The following LRRC74A variants were observed in gnomAD, a reference collection of about 807,000 sequenced individuals.
LRRC74A encodes the protein leucine-rich repeat-containing protein 74A.
LRRC74A carries 44 observed loss-of-function variants against 57.9 expected under a neutral mutation model. The ratio of observed to expected loss-of-function variants is 0.76; its 90% confidence interval spans 0.60 to 0.98. The LOEUF is 0.98. Ranked by LOEUF, LRRC74A falls within the 50% of genes least tolerant of loss-of-function variation. LRRC74A has a pLI of 0.00. For synonymous variants in LRRC74A, 211 were observed against 219.4 expected (o/e 0.96, Z 0.34); for missense variants, 572 against 574.0 (o/e 1.00, Z 0.04).
At chr14:76,839,579 C>T (rs1566722822) in intron 5 of LRRC74A, among the ~76,000 whole-genome samples, 1 of 152,136 alleles carries the variant, frequency 6.6e-6, no homozygotes. Context: ...GTGTTTCTCG[C>T]TATTATTGTC....
intron 3 of LRRC74A, among the ~76,000 whole-genome samples, chr14:76,835,458 T>A (rs1595348409): frequency 7.0e-6 from 1 of 143,324 alleles, no homozygotes; most frequent in Non-Finnish European, 1.5e-5. Flanking sequence ...CTGCACTCCA[T>A]CCTGGGCGAC....
chr14:76,865,403 A>G (rs1898697980), intron 11 of LRRC74A, among the ~76,000 whole-genome samples: 1 of 152,214 alleles, frequency 6.6e-6, no homozygotes, highest in African/African-American at 2.4e-5. Flanking sequence ...TATTTTTTAA[A>G]TGAAAAAAAT....
At chr14:76,851,972 C>T (rs138027044) in intron 7 of LRRC74A, among the ~76,000 whole-genome samples, 1 of 152,188 alleles carries the variant, frequency 6.6e-6, no homozygotes, top group East Asian at 1.9e-4. Flanking sequence ...CTAATTCTTA[C>T]TTTTATAAAT....
At chr14:76,842,659 G>T (rs900931094) in intron 5 of LRRC74A, among the ~76,000 whole-genome samples, 1 of 151,284 alleles carries the variant, frequency 6.6e-6, no homozygotes, top group Non-Finnish European at 1.5e-5. Flanking sequence ...TCCAGTGAAT[G>T]CATTCATTCA....
intron 6 of LRRC74A, 139 bp downstream of exon 6, chr14:76,844,611 C>G: frequency 1.1e-6 from 1 of 875,316 alleles, no homozygotes; most frequent in Non-Finnish European, 1.8e-6. Context: ...CCTGCCAACC[C>G]CAACAAAGGC....
intron 7 of LRRC74A, among the ~76,000 whole-genome samples, chr14:76,848,072 C>T (rs1595370749): frequency 6.8e-6 from 1 of 147,360 alleles, no homozygotes; most frequent in East Asian, 2.0e-4. Flanking sequence ...GCTAGAGAGA[C>T]TGAGGCACAA....
chr14:76,852,214 TA>T (rs1286744419), intron 7 of LRRC74A, 150 bp from the exon 8 acceptor site: 1 of 570,100 alleles, frequency 1.8e-6, no homozygotes, highest in Non-Finnish European at 3.1e-6. Flanking sequence ...ATTTTGTGTT[TA>T]AATGAATAAC....
chr14:76,863,985 G>C (rs888177050), intron 11 of LRRC74A, among the ~76,000 whole-genome samples: 5 of 152,260 alleles, frequency 3.3e-5, no homozygotes, highest in Admixed American at 3.3e-4. Flanking sequence ...GCTTGGCAAA[G>C]GCCATCCATT....
intron 7 of LRRC74A, among the ~76,000 whole-genome samples, chr14:76,849,481 A>G (rs911392683): frequency 3.3e-5 from 5 of 151,936 alleles, no homozygotes; most frequent in African/African-American, 1.2e-4. Flanking sequence ...AAATTGTTAT[A>G]ATCGTACTGC....
At chr14:76,847,140 GGAA>G (rs1408172842) in intron 7 of LRRC74A, among the ~76,000 whole-genome samples, 3 of 152,146 alleles carry the variant, frequency 2.0e-5, no homozygotes, top group Non-Finnish European at 4.4e-5. Context: ...GTGCAGTGCA[GGAA>G]GAAGATCGAC....
At chr14:76,868,375 G>A (rs1183004887) in intron 13 of LRRC74A, among the ~76,000 whole-genome samples, 1 of 152,194 alleles carries the variant, frequency 6.6e-6, no homozygotes, top group African/African-American at 2.4e-5. Context: ...AGGCTGAAGT[G>A]GGGTGATTAC....
intron 2 of LRRC74A, chr14:76,829,272 G>A: frequency 9.9e-7 from 1 of 1,005,326 alleles, no homozygotes; most frequent in Non-Finnish European, 1.3e-6. Context: ...ATGGAGGAAG[G>A]CCAGTTCTGC....
chr14:76,827,706 A>T (rs1367496573), intron 1 of LRRC74A, among the ~76,000 whole-genome samples: 1 of 152,200 alleles, frequency 6.6e-6, no homozygotes, highest in African/African-American at 2.4e-5. Flanking sequence ...GAGATTTTCA[A>T]GCCCCTCCTT....
chr14:76,867,404 A>C lies in LRRC74A; in HGVS notation c.1357A>C (p.Lys453Gln), dbSNP rs1307203728. 3 of 1,603,990 alleles carry C rather than the reference A, an allele frequency of 1.9e-6. No homozygotes were observed. The highest frequency in any genetic ancestry group is 3.3e-5 in the Admixed American group (2 of 59,872). Residue 453 changes from lysine to glutamine, a missense_variant, in exon 13 of 14, where the codon AAG becomes CAG. Coordinates refer to ENST00000689127, the MANE Select transcript of LRRC74A (RefSeq NM_001385106.1). ...GTACCAGGTCAGGGAGGTGATAAAG[A>C]AGCTCGATGAGAAGACAGGCATGGT... ...NQYQVREVIK[K>Q]LDEKTGMVNF...
chr14:76,828,912 C>A, intron 2 of LRRC74A: 1 of 620,494 alleles, frequency 1.6e-6, no homozygotes, highest in Non-Finnish European at 2.0e-6. Flanking sequence ...TATCCCAGGC[C>A]CCTGGAGTGT....
intron 9 of LRRC74A, among the ~76,000 whole-genome samples, chr14:76,853,704 G>T (rs1466093719): frequency 6.6e-6 from 1 of 151,714 alleles, no homozygotes; most frequent in South Asian, 2.1e-4. Context: ...CTCCCATCTG[G>T]GTCTCCTTCA....
At chr14:76,828,969 A>C in intron 2 of LRRC74A, 16 of 1,274,262 alleles carry the variant, frequency 1.3e-5, no homozygotes, top group African/African-American at 1.5e-5. Context: ...CACTCACCTT[A>C]GAGCTCTGGT....
intron 9 of LRRC74A, among the ~76,000 whole-genome samples, chr14:76,854,075 C>T (rs893106404): frequency 6.6e-6 from 1 of 152,134 alleles, no homozygotes; most frequent in African/African-American, 2.4e-5. Flanking sequence ...CCACCCGGTG[C>T]TCTCCCTTGC....
chr14:76,850,328 C>G (rs1897368750), intron 7 of LRRC74A, among the ~76,000 whole-genome samples: 1 of 152,064 alleles, frequency 6.6e-6, no homozygotes, highest in African/African-American at 2.4e-5. Context: ...GTGGTGAGAT[C>G]AGAATTATAA....
Sources: allele counts gnomAD v4.1 joint callset (sites outside exome capture counted in the v4.1 genomes callset), GRCh38; gene constraint gnomAD v4.1.1; transcripts MANE v1.5; gene names NCBI Gene and HGNC (gene_info 2026-07-23, HGNC 2026-07-21).